Variants in UBA6 observed in about 807,000 individuals in gnomAD.
The protein encoded by UBA6 is ubiquitin like modifier activating enzyme 6.
Under a neutral mutation model 148.3 loss-of-function variants are expected in UBA6, and 87 were observed. The ratio of observed to expected loss-of-function variants is 0.59; its 90% confidence interval spans 0.49 to 0.70. The LOEUF is 0.70. Ranked by LOEUF, UBA6 falls within the 30% of genes least tolerant of loss-of-function variation. UBA6 has a pLI of 0.00. For missense variants in UBA6, 1,186 were observed against 1,241.2 expected, an observed-to-expected ratio of 0.96 and a Z score of 0.67; for synonymous variants, 376 against 401.0, an observed-to-expected ratio of 0.94 and a Z score of 0.75.
At chr4:67,641,115 T>C in intron 18 of UBA6, 36 bp downstream of exon 18, 1 of 1,285,442 alleles carries the variant, frequency 7.8e-7, no homozygotes, top group Non-Finnish European at 1.1e-6. Flanking sequence ...TTTTGTATAA[T>C]ACATGATTTA....
At chr4:67,622,997 C>T in intron 31 of UBA6, 72 bp from the exon 32 acceptor site, 3 of 1,385,004 alleles carry the variant, frequency 2.2e-6, no homozygotes, top group Non-Finnish European at 3.0e-6. Flanking sequence ...TAACATTGTT[C>T]GTAAACAATG....
intron 27 of UBA6, 93 bp from the exon 28 acceptor site, chr4:67,626,570 AT>A: frequency 1.3e-6 from 1 of 772,950 alleles, no homozygotes; most frequent in Non-Finnish European, 2.1e-6. Flanking sequence ...CAAAGAGAAA[AT>A]ATTTTCTCTA....
chr4:67,682,826 A>G (rs1402907743), intron 2 of UBA6, among the ~76,000 whole-genome samples: 1 of 152,238 alleles, frequency 6.6e-6, no homozygotes, highest in Non-Finnish European at 1.5e-5. Context: ...CTTTGGAGAT[A>G]ATATAAATTC....
intron 9 of UBA6, 142 bp from the exon 10 acceptor site, chr4:67,665,434 T>TG (rs60372702): frequency 0.25 from 110,311 of 448,972 alleles, 13,588 homozygotes; most frequent in Non-Finnish European, 0.27. Context: ...TTTGTTTGTT[T>TG]TTTTTTTTTT....
chr4:67,665,428 TTTG>T, intron 9 of UBA6, 136 bp from the exon 10 acceptor site: 6 of 500,700 alleles, frequency 1.2e-5, no homozygotes, highest in East Asian at 3.8e-5. Flanking sequence ...TTTTTGTTTG[TTTG>T]TTTTTTTTTT....
Position 67,634,461 on chromosome 4 carries a change from T to C in UBA6, c.1900A>G (p.Ile634Val), listed in dbSNP as rs953169130. 9.4e-6 allele frequency: 15 copies of C among 1,589,062 alleles called. No individual in the cohort carries two copies. The highest frequency in any genetic ancestry group is 1.1e-5 in the Non-Finnish European group (13 of 1,173,484). The change falls in exon 21 of 33, where the codon ATT becomes GTT. Residue 634 changes from isoleucine (I) to valine (V), a missense_variant. Physicochemically the swap from Ile to Val is conservative, Grantham distance 29. Transcript: ENST00000322244. ...FCTLKSFPAA[I>V]EHTIQWARDK... ...CTTGCCCACTGTATGGTATGTTCAA[T>C]AGCAGCTGGAAAGGATTTTAGAGTA...
Position 67,677,625 on chromosome 4 carries a change from A to G in UBA6, c.451T>C (p.Leu151=). 1 of 1,572,342 alleles carries G rather than the reference A, an allele frequency of 6.4e-7. No homozygotes were observed. The highest frequency in any genetic ancestry group is 1.7e-5 in the Admixed American group (1 of 58,298). ...PFNETTDLSF[L]DKYQCVVLTE... The stretch of plus-strand genomic sequence containing the variant: ...GGAGTACTAACCTGGTATTTATCTA[A>G]AAAGGAGAGATCTGTGGTCTCATTG... The change falls in exon 6 of 33, where the codon TTA becomes CTA. Residue 151 remains leucine (L), a synonymous_variant. Transcript: ENST00000322244.
chr4:67,662,464 G>GT lies in UBA6; in HGVS notation c.1038-210dup, dbSNP rs920297517. 587 of 391,202 alleles carry GT rather than the reference G, an allele frequency of 1.5e-3. 1 individual carries two copies. Among genetic ancestry groups the GT allele is most frequent in the Middle Eastern group, 4.8e-3 (7 of 1,466 alleles). 24.2% of individuals were successfully genotyped at this position (391,202 alleles called of 1,614,324 possible). ...TTATATCAGTATATAAATAAGTTTAGTTTTTTTTGTTTTTTTTTTTTTGAG... is the reference window on the plus strand; with the variant it reads ...TTATATCAGTATATAAATAAGTTTAGTTTTTTTTTGTTTTTTTTTTTTTGAG... On this transcript the variant is annotated intron_variant, in intron 12 of 32. Coordinates refer to ENST00000322244, the MANE Select transcript of UBA6 (RefSeq NM_018227.6).
At chr4:67,633,857 C>A (rs1729059427) in intron 22 of UBA6, among the ~76,000 whole-genome samples, 2 of 152,094 alleles carry the variant, frequency 1.3e-5, no homozygotes, top group South Asian at 4.1e-4. Flanking sequence ...GTTGCCTTCA[C>A]TATAAGAGTA....
intron 9 of UBA6, among the ~76,000 whole-genome samples, chr4:67,667,971 T>A (rs1730049774): frequency 6.6e-6 from 1 of 152,182 alleles, no homozygotes; most frequent in Admixed American, 6.5e-5. Flanking sequence ...CATCTAGACA[T>A]CTTCCTTTAA....
intron 10 of UBA6, among the ~76,000 whole-genome samples, chr4:67,664,158 C>T (rs1294990303): frequency 6.6e-6 from 1 of 152,012 alleles, no homozygotes; most frequent in Non-Finnish European, 1.5e-5. Context: ...ATAAAACAAC[C>T]TGCTCTACAT....
rs568094421 is a variant in UBA6, at chr4:67,662,852, T to A, written c.1037+287A>T. ...TATAAAGTTAAAAAAAAAATTACTATGTGTTAATAATTCAGTAATTCTCAG... is the reference window on the plus strand; with the variant it reads ...TATAAAGTTAAAAAAAAAATTACTAAGTGTTAATAATTCAGTAATTCTCAG... On this transcript the variant is annotated intron_variant, in intron 12 of 32. Coordinates refer to ENST00000322244, the MANE Select transcript of UBA6 (RefSeq NM_018227.6). 3.5e-5 allele frequency: 9 copies of A among 258,708 alleles called. No individual in the cohort carries two copies. In the East Asian group the frequency reaches 7.1e-4, roughly 20 times the overall value. The allele number at this position is 258,708 out of a possible 1,614,324, so 16.0% of individuals were successfully genotyped here.
chr4:67,693,569 C>T (rs1252851722), intron 2 of UBA6, among the ~76,000 whole-genome samples: 1 of 152,080 alleles, frequency 6.6e-6, no homozygotes, highest in African/African-American at 2.4e-5. Flanking sequence ...CACTTAAAAA[C>T]TTGTTAGTAG....
At chr4:67,672,330 T>C (rs182393228) in intron 7 of UBA6, among the ~76,000 whole-genome samples, 1 of 152,266 alleles carries the variant, frequency 6.6e-6, no homozygotes, top group East Asian at 1.9e-4. Context: ...CCACACATCA[T>C]ATAGACTCTG....
At chr4:67,699,829 C>T (rs904689451) in intron 1 of UBA6, among the ~76,000 whole-genome samples, 6 of 152,168 alleles carry the variant, frequency 3.9e-5, no homozygotes, top group African/African-American at 1.4e-4. Flanking sequence ...TCTAAGAACT[C>T]CTGAGCTCAA....
At chr4:67,659,102 A>C (rs976379513) in intron 13 of UBA6, among the ~76,000 whole-genome samples, 6 of 152,196 alleles carry the variant, frequency 3.9e-5, no homozygotes, top group African/African-American at 1.4e-4. Flanking sequence ...TCTACAATCT[A>C]TTTCTAGCTT....
At chr4:67,657,495 C>T (rs1729728659) in intron 13 of UBA6, among the ~76,000 whole-genome samples, 1 of 152,098 alleles carries the variant, frequency 6.6e-6, no homozygotes, top group African/African-American at 2.4e-5. Flanking sequence ...GAAACTGGAT[C>T]CCTTCCTTAC....
intron 13 of UBA6, among the ~76,000 whole-genome samples, chr4:67,661,170 G>A (rs1729841969): frequency 6.6e-6 from 1 of 152,154 alleles, no homozygotes; most frequent in African/African-American, 2.4e-5. Flanking sequence ...CTGGATTAAT[G>A]CTGGAATGAG....
chr4:67,669,957 C>A (rs1053284671), intron 8 of UBA6, among the ~76,000 whole-genome samples: 8 of 152,042 alleles, frequency 5.3e-5, no homozygotes, highest in Admixed American at 4.6e-4. Context: ...ATTTTTCTTT[C>A]TTTATTTTTG....
Sources: gnomAD v4.1 joint callset for allele counts (sites outside exome capture counted in the v4.1 genomes callset) on GRCh38, gnomAD v4.1.1 for gene constraint, MANE v1.5 for transcripts, NCBI Gene and HGNC (gene_info 2026-07-23, HGNC 2026-07-21) for gene names.